SCG5: variants seen among roughly 807,000 people sequenced by gnomAD.
SCG5 encodes the protein neuroendocrine protein 7B2.
Under a neutral mutation model 25.7 loss-of-function variants are expected in SCG5, and 18 were observed. The ratio of observed to expected loss-of-function variants is 0.70; its 90% CI spans 0.48 to 1.04. The LOEUF is 1.04. Among genes scored for constraint, SCG5 ranks in the 50% least tolerant of loss-of-function variants. The pLI is 0.00. For missense variants in SCG5, 206 were observed against 259.8 expected, an observed-to-expected ratio of 0.79 and a Z score of 1.42; for synonymous variants, 101 against 91.7, an observed-to-expected ratio of 1.10 and a Z score of -0.58.
chr15:32,688,970 A>AAAAAAAG (rs1265548524), intron 4 of SCG5, among the ~76,000 whole-genome samples: 10 of 79,300 alleles, frequency 1.3e-4, no homozygotes, highest in African/African-American at 3.3e-4. Flanking sequence ...AAAAAAAAAA[A>AAAAAAAG]AAAAGAAATT....
At chr15:32,645,610 A>C (rs2053930840) in intron 2 of SCG5, among the ~76,000 whole-genome samples, 1 of 152,152 alleles carries the variant, frequency 6.6e-6, no homozygotes, top group African/African-American at 2.4e-5. Context: ...TGCTGCTTTG[A>C]AGAAGCAACA....
intron 3 of SCG5, among the ~76,000 whole-genome samples, chr15:32,681,045 C>T (rs1261215471): frequency 6.6e-6 from 1 of 152,214 alleles, no homozygotes; most frequent in Non-Finnish European, 1.5e-5. Context: ...CATTTTAGCA[C>T]AGCACCTAGC....
intron 5 of SCG5, among the ~76,000 whole-genome samples, chr15:32,695,109 A>T (rs2054932064): frequency 6.7e-6 from 1 of 149,896 alleles, no homozygotes; most frequent in Non-Finnish European, 1.5e-5. Flanking sequence ...TCCGCCTCCC[A>T]GGTTCCTGCC....
At chr15:32,674,830 A>G (rs2054503084) in intron 2 of SCG5, among the ~76,000 whole-genome samples, 1 of 152,240 alleles carries the variant, frequency 6.6e-6, no homozygotes, top group African/African-American at 2.4e-5. Flanking sequence ...GAGGGTGAGA[A>G]TGCAGAGAAG....
intron 2 of SCG5, among the ~76,000 whole-genome samples, chr15:32,658,771 T>G (rs2054166514): frequency 6.6e-6 from 1 of 152,094 alleles, no homozygotes; most frequent in South Asian, 2.1e-4. Context: ...GATGGGACGG[T>G]GGGTTGGATA....
At chr15:32,671,861 C>A (rs762374278) in intron 2 of SCG5, among the ~76,000 whole-genome samples, 1 of 152,144 alleles carries the variant, frequency 6.6e-6, no homozygotes, top group Non-Finnish European at 1.5e-5. Flanking sequence ...AGCCACCCCG[C>A]CCCTTCCTCG....
chr15:32,679,815 C>T lies in SCG5; in HGVS notation c.276C>T (p.Pro92=). The T allele has an allele frequency of 1.9e-6, 3 of 1,613,920 alleles. No homozygotes were observed. The highest frequency in any genetic ancestry group is 1.7e-6 in the Non-Finnish European group (2 of 1,179,854). Residue 92 remains proline, a synonymous_variant, in exon 3 of 6, where the codon CCC becomes CCT. Transcript: ENST00000300175. ...LQHLGPFGNI[P]NIVAELTGDN... ...ATTTGGGTCCTTTTGGCAACATCCC[C>T]AACATCGTGGCAGAGTTGACTGGAG...
chr15:32,671,118 T>A (rs1428839483), intron 2 of SCG5, among the ~76,000 whole-genome samples: 1 of 152,090 alleles, frequency 6.6e-6, no homozygotes, highest in Non-Finnish European at 1.5e-5. Context: ...ATTGGGAGGT[T>A]ATGAGAATCC....
At chr15:32,648,886 C>T (rs1284561983) in intron 2 of SCG5, among the ~76,000 whole-genome samples, 1 of 152,088 alleles carries the variant, frequency 6.6e-6, no homozygotes, top group African/African-American at 2.4e-5. Flanking sequence ...ATTCTCCTGC[C>T]TCAGCCTCCC....
chr15:32,660,638 C>T lies in SCG5; in HGVS notation c.226+16820C>T, dbSNP rs189277664. 2.2e-3 allele frequency among the ~76,000 whole-genome samples: 332 copies of T among 152,352 alleles called. 1 individual carries two copies. The highest frequency in any genetic ancestry group is 7.6e-3 in the African/African-American group (314 of 41,582). ...TAGCTTTGGTGAGTAATGAGAGATG[C>T]ACGCATGATACCCCTGCTCCTGTCC... On this transcript the variant is annotated intron_variant, in intron 2 of 5. Coordinates refer to ENST00000300175, the MANE Select transcript of SCG5 (RefSeq NM_001144757.3).
chr15:32,667,019 G>A (rs1280889359), intron 2 of SCG5, among the ~76,000 whole-genome samples: 1 of 152,068 alleles, frequency 6.6e-6, no homozygotes, highest in Non-Finnish European at 1.5e-5. Context: ...TTGGAAGACA[G>A]TATGCAAAAA....
chr15:32,657,488 T>C (rs914324913), intron 2 of SCG5, among the ~76,000 whole-genome samples: 1 of 151,968 alleles, frequency 6.6e-6, no homozygotes, highest in African/African-American at 2.4e-5. Flanking sequence ...ATTCTTGCCC[T>C]TGTGACTTTA....
At chr15:32,649,824 G>A (rs1048600124) in intron 2 of SCG5, among the ~76,000 whole-genome samples, 3 of 152,288 alleles carry the variant, frequency 2.0e-5, no homozygotes, top group Non-Finnish European at 4.4e-5. Flanking sequence ...CAGAGAACTC[G>A]GGTTAACCCG....
chr15:32,663,150 C>A (rs974336665), intron 2 of SCG5, among the ~76,000 whole-genome samples: 1 of 145,532 alleles, frequency 6.9e-6, no homozygotes, highest in African/African-American at 2.5e-5. Flanking sequence ...ATATGAATGG[C>A]AGCTTTATTG....
intron 2 of SCG5, among the ~76,000 whole-genome samples, chr15:32,672,826 T>G (rs2054456723): frequency 6.7e-6 from 1 of 150,234 alleles, no homozygotes; most frequent in African/African-American, 2.5e-5. Context: ...CTTAGAATGA[T>G]GAATAGTGAT....
At position 32,689,214 on chromosome 15, in the gene SCG5, GTTTA is replaced by G. The variant is rs1176534712; in HGVS notation, c.490-2490_490-2487del. Among the ~76,000 whole-genome samples, 5 of 152,022 alleles carry G rather than the reference GTTTA, an allele frequency of 3.3e-5. No individual in the cohort carries two copies. In the East Asian group the frequency reaches 9.6e-4, roughly 29 times the overall value. On this transcript the variant is annotated intron_variant, in intron 4 of 5. Transcript: ENST00000300175. ...TATTTATTTATTTATTTATAAATGT[GTTTA>G]TTTATATAGTATAAGTATGGATTCA...
intron 2 of SCG5, among the ~76,000 whole-genome samples, chr15:32,650,295 G>A (rs906569455): frequency 6.6e-6 from 1 of 152,102 alleles, no homozygotes; most frequent in Non-Finnish European, 1.5e-5. Context: ...TAGAGACGGG[G>A]TTTCACCATG....
At chr15:32,655,949 T>C (rs1027364365) in intron 2 of SCG5, 3 of 152,222 alleles carry the variant, frequency 2.0e-5, no homozygotes, top group Non-Finnish European at 2.9e-5. Flanking sequence ...CCCTAAATAC[T>C]AGAGATTTTT....
chr15:32,691,581 C>A, intron 4 of SCG5, 129 bp from the exon 5 acceptor site: 2 of 734,624 alleles, frequency 2.7e-6, no homozygotes, highest in South Asian at 3.4e-5. Context: ...TTCCTTTCAT[C>A]TAGTTTTGTT....
Sources: allele counts gnomAD v4.1 joint callset (sites outside exome capture counted in the v4.1 genomes callset), GRCh38; gene constraint gnomAD v4.1.1; transcripts MANE v1.5; gene names NCBI Gene and HGNC (gene_info 2026-07-23, HGNC 2026-07-21).